TSPAN14: variants seen among roughly 807,000 people sequenced by gnomAD.
TSPAN14 encodes the protein tetraspanin-14.
A neutral mutation model predicts 36.6 loss-of-function variants in TSPAN14; 16 were observed. The observed-to-expected ratio is 0.44, with a 90% confidence interval of 0.30 to 0.66. The LOEUF (loss-of-function observed/expected upper bound fraction) is 0.66, where lower values mean the gene tolerates loss of function less well. Ranked by LOEUF, TSPAN14 falls within the 30% of genes least tolerant of loss-of-function variation. TSPAN14 has a pLI of 0.12. For missense variants in TSPAN14, 231 were observed against 355.1 expected (o/e 0.65, Z 2.81); for synonymous variants, 139 against 143.8 (o/e 0.97, Z 0.24).
chr10:80,464,271 CG>C (rs761789883), intron 1 of TSPAN14, among the ~76,000 whole-genome samples: 7 of 152,170 alleles, frequency 4.6e-5, no homozygotes, highest in Non-Finnish European at 2.9e-5. Context: ...CTGTTCAGGC[CG>C]CCTTGGGCCT....
At chr10:80,455,751 C>A (rs151082377) in intron 1 of TSPAN14, among the ~76,000 whole-genome samples, 1 of 152,194 alleles carries the variant, frequency 6.6e-6, no homozygotes, top group Non-Finnish European at 1.5e-5. Flanking sequence ...ACCATAATGG[C>A]CCTGTATGCC....
At chr10:80,496,786 T>TATTCTAATATTCAA (rs150769902) in intron 2 of TSPAN14, among the ~76,000 whole-genome samples, 2,041 of 152,288 alleles carry the variant, frequency 0.013, 36 homozygotes, top group African/African-American at 0.045. Flanking sequence ...AATATTGTAG[T>TATTCTAATATTCAA]TTCTATTTCT....
At position 80,476,607 on chromosome 10, in the gene TSPAN14, G is replaced by C. The variant is rs1846925046; in HGVS notation, c.-17-12610G>C. 2.0e-5 allele frequency among the ~76,000 whole-genome samples: 3 copies of C among 151,788 alleles called. No individual in the cohort carries two copies. The South Asian group carries it at 6.2e-4, about 32-fold the overall frequency. ...ATTTTTTGTATTTTTAGTAGAGATG[G>C]GGTTTTACCATGTTAGCCAAGATGG... On this transcript the variant is annotated intron_variant, in intron 1 of 8. Transcript: ENST00000429989.
intron 4 of TSPAN14, among the ~76,000 whole-genome samples, chr10:80,508,949 C>T (rs569095273): frequency 1.6e-4 from 24 of 152,268 alleles, no homozygotes; most frequent in African/African-American, 4.8e-4. Context: ...GGTAGGACAG[C>T]CATTCATTCC....
At chr10:80,464,034 C>T (rs540488052) in intron 1 of TSPAN14, among the ~76,000 whole-genome samples, 1 of 152,324 alleles carries the variant, frequency 6.6e-6, no homozygotes, top group African/African-American at 2.4e-5. Flanking sequence ...TCAGCCAGAG[C>T]GAGTTGGGGT....
chr10:80,468,343 G>A (rs1297725512), intron 1 of TSPAN14, among the ~76,000 whole-genome samples: 1 of 152,190 alleles, frequency 6.6e-6, no homozygotes. Context: ...CTATCATTTG[G>A]TTAGAGTAGC....
At chr10:80,460,270 C>A (rs1471750597) in intron 1 of TSPAN14, among the ~76,000 whole-genome samples, 1 of 152,136 alleles carries the variant, frequency 6.6e-6, no homozygotes, top group Non-Finnish European at 1.5e-5. Flanking sequence ...TGAATTCTTG[C>A]TGCAGGCAGG....
chr10:80,515,139 A>AT (rs925862853), intron 7 of TSPAN14, among the ~76,000 whole-genome samples: 14 of 152,018 alleles, frequency 9.2e-5, no homozygotes, highest in African/African-American at 2.4e-4. Context: ...CCTAATTATG[A>AT]TTTTTTTTGC....
chr10:80,475,135 G>T (rs754117295), intron 1 of TSPAN14, among the ~76,000 whole-genome samples: 3 of 152,202 alleles, frequency 2.0e-5, no homozygotes, highest in Non-Finnish European at 2.9e-5. Context: ...TTTGGGTGTG[G>T]GGCTGCCAAG....
chr10:80,512,117 T>C, intron 5 of TSPAN14, 27 bp from the exon 6 acceptor site: 1 of 1,613,960 alleles, frequency 6.2e-7, no homozygotes, highest in Non-Finnish European at 8.5e-7. Context: ...TTGGAGCCCC[T>C]AACAGTTCTG....
chr10:80,516,397 A>G (rs948390796), intron 8 of TSPAN14, 74 bp downstream of exon 8: 9 of 1,600,694 alleles, frequency 5.6e-6, no homozygotes, highest in Non-Finnish European at 7.7e-6. Context: ...CATAGAGTGC[A>G]TGGGTCCAGT....
chr10:80,461,365 A>G (rs1285582176), intron 1 of TSPAN14, among the ~76,000 whole-genome samples: 1 of 152,164 alleles, frequency 6.6e-6, no homozygotes. Context: ...CTTGCAGTGG[A>G]ACAGTGGTGG....
At chr10:80,461,127 T>A (rs1845943319) in intron 1 of TSPAN14, among the ~76,000 whole-genome samples, 1 of 152,102 alleles carries the variant, frequency 6.6e-6, no homozygotes, top group Non-Finnish European at 1.5e-5. Context: ...CCTCCTTTTC[T>A]CTCTGGCCCT....
chr10:80,502,124 A>G (rs566270462), intron 2 of TSPAN14, among the ~76,000 whole-genome samples: 2 of 152,318 alleles, frequency 1.3e-5, no homozygotes, highest in South Asian at 4.1e-4. Flanking sequence ...ATATGGAGGA[A>G]GAGCATTGCC....
chr10:80,505,257 C>T (rs1840222308), intron 3 of TSPAN14, among the ~76,000 whole-genome samples: 1 of 152,170 alleles, frequency 6.6e-6, no homozygotes. Context: ...TGCCCAGCCT[C>T]AGGAGGAGAG....
intron 2 of TSPAN14, among the ~76,000 whole-genome samples, chr10:80,489,801 A>T (rs1319987818): frequency 6.6e-6 from 1 of 152,214 alleles, no homozygotes; most frequent in Non-Finnish European, 1.5e-5. Context: ...AGCTCCTTGG[A>T]TAGGGTGACC....
exon 4 of TSPAN14, chr10:80,507,327 G>T: frequency 6.2e-7 from 1 of 1,614,216 alleles, no homozygotes; most frequent in Non-Finnish European, 8.5e-7. Context: ...CCTGGGGTTC[G>T]CCGGCTGCGT....
chr10:80,504,874 A>G lies in TSPAN14; in HGVS notation c.132+96A>G, dbSNP rs1840200725. 12 of 1,360,454 alleles carry G rather than the reference A, an allele frequency of 8.8e-6. No individual in the cohort carries two copies. In the East Asian group the frequency reaches 2.1e-4, roughly 23 times the overall value. The allele number at this position is 1,360,454 out of a possible 1,614,324, so 84.3% of individuals were successfully genotyped here. ...TCCTCCAATCTGTTCCCTGACAACAAGCATTTCTTGTGCAGTGTCAAGGTG... is the reference window on the plus strand; with the variant it reads ...TCCTCCAATCTGTTCCCTGACAACAGGCATTTCTTGTGCAGTGTCAAGGTG... On this transcript the variant is annotated intron_variant, in intron 3 of 8. Coordinates refer to ENST00000429989, the Ensembl canonical transcript of TSPAN14.
intron 1 of TSPAN14, among the ~76,000 whole-genome samples, chr10:80,455,878 C>G (rs967363834): frequency 3.9e-5 from 6 of 152,156 alleles, no homozygotes; most frequent in Admixed American, 3.3e-4. Flanking sequence ...CACGCGCAGT[C>G]TGATCCCACT....
Sources: allele counts gnomAD v4.1 joint callset (sites outside exome capture counted in the v4.1 genomes callset), GRCh38; gene constraint gnomAD v4.1.1; transcripts MANE v1.5; gene names NCBI Gene and HGNC (gene_info 2026-07-23, HGNC 2026-07-21).